FMNL2: variants seen among roughly 807,000 people sequenced by gnomAD.
The protein encoded by FMNL2 is formin-like protein 2.
FMNL2 carries 51 observed loss-of-function variants against 130.2 expected under a neutral mutation model. That is an observed-to-expected ratio of 0.39 (90% CI 0.31 to 0.49). The LOEUF (loss-of-function observed/expected upper bound fraction) is 0.49, where lower values mean the gene tolerates loss of function less well. FMNL2 is among the 20% of genes least tolerant of loss of function. FMNL2 has a pLI of 0.85. For missense variants in FMNL2, 977 were observed against 1,316.2 expected, an observed-to-expected ratio of 0.74 and a Z score of 3.99; for synonymous variants, 465 against 467.1, an observed-to-expected ratio of 1.00 and a Z score of 0.06.
intron 2 of FMNL2, among the ~76,000 whole-genome samples, chr2:152,533,878 T>G (rs1476562934): frequency 6.6e-6 from 1 of 152,188 alleles, no homozygotes; most frequent in African/African-American, 2.4e-5. Flanking sequence ...TTAAGGGATA[T>G]ATTTTTAAAA....
At chr2:152,428,789 A>G (rs1428972961) in intron 1 of FMNL2, among the ~76,000 whole-genome samples, 1 of 152,202 alleles carries the variant, frequency 6.6e-6, no homozygotes, top group East Asian at 1.9e-4. Flanking sequence ...GACTTTGGAT[A>G]GAGATAGTTC....
chr2:152,447,618 T>C (rs1384481687), intron 1 of FMNL2, among the ~76,000 whole-genome samples: 1 of 152,180 alleles, frequency 6.6e-6, no homozygotes, highest in Non-Finnish European at 1.5e-5. Flanking sequence ...CACTTTGAAA[T>C]GTCTCTTTAA....
intron 9 of FMNL2, among the ~76,000 whole-genome samples, chr2:152,592,574 A>G (rs1697497279): frequency 6.6e-6 from 1 of 152,224 alleles, no homozygotes; most frequent in Non-Finnish European, 1.5e-5. Context: ...AAAGGCATAT[A>G]CATATGCAGA....
intron 25 of FMNL2, among the ~76,000 whole-genome samples, chr2:152,645,925 G>A (rs1387904556): frequency 1.3e-5 from 2 of 152,168 alleles, no homozygotes; most frequent in African/African-American, 4.8e-5. Context: ...CCACAAAGCT[G>A]CATATGAGGC....
intron 1 of FMNL2, among the ~76,000 whole-genome samples, chr2:152,351,013 C>G (rs979640928): frequency 2.0e-5 from 3 of 152,042 alleles, no homozygotes; most frequent in African/African-American, 7.2e-5. Context: ...CCACTGCACT[C>G]CAGCCTGGGT....
chr2:152,345,973 C>T (rs904585202), intron 1 of FMNL2, among the ~76,000 whole-genome samples: 1 of 152,092 alleles, frequency 6.6e-6, no homozygotes, highest in African/African-American at 2.4e-5. Flanking sequence ...TACCAGGTCT[C>T]ATTTCTCATT....
chr2:152,572,919 T>C (rs1465378952), intron 6 of FMNL2, among the ~76,000 whole-genome samples: 1 of 152,138 alleles, frequency 6.6e-6, no homozygotes, highest in African/African-American at 2.4e-5. Flanking sequence ...TTAATGTACA[T>C]GCTAACCCAT....
intron 1 of FMNL2, among the ~76,000 whole-genome samples, chr2:152,478,410 G>A (rs2105218505): frequency 6.6e-6 from 1 of 151,836 alleles, no homozygotes; most frequent in Non-Finnish European, 1.5e-5. Flanking sequence ...GCTAATTTTT[G>A]TATTTTTAGT....
intron 1 of FMNL2, among the ~76,000 whole-genome samples, chr2:152,402,812 A>G (rs991389975): frequency 2.0e-5 from 3 of 152,206 alleles, no homozygotes; most frequent in African/African-American, 4.8e-5. Context: ...ATCACACTTA[A>G]TGAGCCAATA....
At chr2:152,389,804 TC>T (rs1170103310) in intron 1 of FMNL2, 8 of 1,388,330 alleles carry the variant, frequency 5.8e-6, no homozygotes, top group Non-Finnish European at 8.2e-6. Context: ...ACAGACTTTT[TC>T]ACTGCAGGAG....
intron 1 of FMNL2, among the ~76,000 whole-genome samples, chr2:152,379,968 C>G (rs1684373168): frequency 1.3e-5 from 2 of 152,162 alleles, no homozygotes; most frequent in Admixed American, 1.3e-4. Flanking sequence ...AACATATAAA[C>G]TAGAAATAGA....
chr2:152,455,237 G>A (rs67374211), intron 1 of FMNL2, among the ~76,000 whole-genome samples: 21,489 of 152,140 alleles, frequency 0.14, 2,602 homozygotes, highest in African/African-American at 0.3. Context: ...AAGTACACTT[G>A]GAAAGGGTGG....
chr2:152,403,050 A>G (rs909211788), intron 1 of FMNL2, among the ~76,000 whole-genome samples: 4 of 152,100 alleles, frequency 2.6e-5, no homozygotes, highest in African/African-American at 9.7e-5. Context: ...ATACCCCTCA[A>G]TTGAGATTTG....
chr2:152,412,549 A>G (rs1686380624), intron 1 of FMNL2, among the ~76,000 whole-genome samples: 1 of 145,666 alleles, frequency 6.9e-6, no homozygotes, highest in African/African-American at 2.6e-5. Flanking sequence ...ACTCATGCTT[A>G]TAATCCCAGC....
At chr2:152,473,395 C>T (rs940840020) in intron 1 of FMNL2, among the ~76,000 whole-genome samples, 5 of 152,116 alleles carry the variant, frequency 3.3e-5, no homozygotes, top group African/African-American at 1.2e-4. Context: ...GAGTCATGAT[C>T]CTAGTGTTGT....
intron 17 of FMNL2, among the ~76,000 whole-genome samples, chr2:152,628,040 C>G (rs983833552): frequency 1.3e-5 from 2 of 152,148 alleles, no homozygotes; most frequent in Non-Finnish European, 2.9e-5. Flanking sequence ...ATGCCAGTAC[C>G]CTAAAAACTG....
intron 1 of FMNL2, among the ~76,000 whole-genome samples, chr2:152,436,240 A>C (rs1364025648): frequency 6.6e-6 from 1 of 151,824 alleles, no homozygotes; most frequent in Non-Finnish European, 1.5e-5. Flanking sequence ...ATCTTGGCTC[A>C]CTGCAGCCTC....
At chr2:152,359,865 A>G (rs1056476914) in intron 1 of FMNL2, among the ~76,000 whole-genome samples, 4 of 152,166 alleles carry the variant, frequency 2.6e-5, no homozygotes, top group African/African-American at 7.2e-5. Flanking sequence ...TCTCAGAACA[A>G]TCCTACGGTA....
intron 6 of FMNL2, among the ~76,000 whole-genome samples, chr2:152,573,338 T>TA (rs776407632): frequency 2.6e-5 from 4 of 152,188 alleles, no homozygotes; most frequent in Non-Finnish European, 5.9e-5. Context: ...GAACATTTGA[T>TA]AAAGAACTAG....
Sources: allele counts gnomAD v4.1 joint callset (sites outside exome capture counted in the v4.1 genomes callset), GRCh38; gene constraint gnomAD v4.1.1; transcripts MANE v1.5; gene names NCBI Gene and HGNC (gene_info 2026-07-23, HGNC 2026-07-21).